Variants in TENM2 observed in about 807,000 individuals in gnomAD.
The protein encoded by TENM2 is teneurin transmembrane protein 2.
TENM2 carries 52 observed loss-of-function variants against 245.2 expected under a neutral mutation model. The observed-to-expected ratio is 0.21, with a 90% confidence interval of 0.17 to 0.27. The LOEUF (loss-of-function observed/expected upper bound fraction) is 0.27, where lower values mean the gene tolerates loss of function less well. Ranked by LOEUF, TENM2 falls within the 10% of genes least tolerant of loss-of-function variation. The probability of loss-of-function intolerance (pLI) is 1.00; values close to 1 mark genes in which losing one functional copy is unlikely to be tolerated. For missense variants in TENM2, 3,046 were observed against 3,666.8 expected (o/e 0.83, Z 4.37); for synonymous variants, 1,363 against 1,438.9 (o/e 0.95, Z 1.19).
chr5:167,736,122 A>G (rs1760779716), intron 2 of TENM2, among the ~76,000 whole-genome samples: 1 of 152,160 alleles, frequency 6.6e-6, no homozygotes, highest in African/African-American at 2.4e-5. Context: ...TCATGGTGGA[A>G]GGAGAAGCAA....
chr5:167,215,353 G>A, the TENM2 span, among the ~76,000 whole-genome samples: 3 of 152,146 alleles, frequency 2.0e-5, no homozygotes, highest in Non-Finnish European at 2.9e-5. Context: ...TCTAACGTGC[G>A]GGCAAAATTG....
the TENM2 span, among the ~76,000 whole-genome samples, chr5:167,177,277 G>GAAAA: frequency 6.6e-6 from 1 of 151,244 alleles, no homozygotes; most frequent in South Asian, 2.1e-4. Flanking sequence ...ATACATAAAA[G>GAAAA]AAAAAAAAAT....
intron 12 of TENM2, among the ~76,000 whole-genome samples, chr5:168,140,819 T>C (rs1489719559): frequency 6.6e-6 from 1 of 152,162 alleles, no homozygotes; most frequent in Non-Finnish European, 1.5e-5. Context: ...AGTCTTTCCC[T>C]GACAGAGCTA....
Position 168,244,552 on chromosome 5 carries a change from A to G in TENM2, c.5653A>G (p.Ser1885Gly), listed in dbSNP as rs756863587. Residue 1885 changes from serine to glycine, a missense_variant, in exon 26 of 29, where the codon AGC (serine) becomes GGC (glycine). By Grantham distance (56) the Ser-to-Gly change is moderately conservative. Around this residue, in one of 2 missense-constraint regions of TENM2, gnomAD observed 2,704 missense variants for 3,331.9 expected, o/e 0.81. Transcript: ENST00000518659. This position sits in a 1 kb window ranked among gnomAD's most constrained non-coding sequence, Gnocchi z 4.9. ...GGGCCGCCCCTTCCTCTGGCTGCCCAGCAGCGGGCTGGCAGCTGTCAACGT... is the reference window on the plus strand; with the variant it reads ...GGGCCGCCCCTTCCTCTGGCTGCCCGGCAGCGGGCTGGCAGCTGTCAACGT... The G allele has an allele frequency of 6.2e-7, 1 of 1,612,326 alleles. No homozygotes were observed. Among genetic ancestry groups the G allele is most frequent in the African/African-American group, 1.3e-5 (1 of 74,928 alleles).
intron 13 of TENM2, among the ~76,000 whole-genome samples, chr5:168,166,797 A>G (rs533985593): frequency 1.3e-5 from 2 of 152,332 alleles, no homozygotes; most frequent in East Asian, 1.9e-4. Context: ...CTTTCACTCA[A>G]ATATGCTCTG....
chr5:168,012,774 GA>G (rs3056563), intron 5 of TENM2, among the ~76,000 whole-genome samples: 9,338 of 74,244 alleles, frequency 0.13, 352 homozygotes, highest in East Asian at 0.39. Flanking sequence ...AAGAACAACT[GA>G]AAAAAAAAAA....
At chr5:167,786,125 G>A (rs1243832855) in intron 2 of TENM2, among the ~76,000 whole-genome samples, 2 of 152,026 alleles carry the variant, frequency 1.3e-5, no homozygotes, top group African/African-American at 4.8e-5. Flanking sequence ...CTGACGCCAT[G>A]ACCAAATGCC....
intron 2 of TENM2, among the ~76,000 whole-genome samples, chr5:167,756,737 G>A (rs1265787205): frequency 6.6e-6 from 1 of 152,036 alleles, no homozygotes; most frequent in Non-Finnish European, 1.5e-5. Context: ...TTGAGAACTA[G>A]GAGCACCTCA....
intron 2 of TENM2, among the ~76,000 whole-genome samples, chr5:167,642,516 T>C (rs34313662): frequency 0.24 from 35,976 of 152,044 alleles, 5,856 homozygotes; most frequent in East Asian, 0.45. Context: ...CACAAACATA[T>C]ACATTTGTTT....
chr5:168,209,970 C>A (rs577681909), intron 19 of TENM2, among the ~76,000 whole-genome samples: 1 of 152,242 alleles, frequency 6.6e-6, no homozygotes, highest in Non-Finnish European at 1.5e-5. Context: ...TCATTGAGAC[C>A]CTGCAGTGTG....
chr5:166,991,500 A>G, the TENM2 span, among the ~76,000 whole-genome samples: 2 of 152,114 alleles, frequency 1.3e-5, no homozygotes, highest in South Asian at 2.1e-4. Flanking sequence ...TGTGTAGTTA[A>G]TGTATGTGAT....
intron 2 of TENM2, among the ~76,000 whole-genome samples, chr5:167,688,434 G>T (rs1194234254): frequency 6.6e-6 from 1 of 152,144 alleles, no homozygotes; most frequent in East Asian, 1.9e-4. Context: ...CACCACAATG[G>T]AGAGGTTGTT....
At chr5:167,623,662 T>C (rs962817399) in intron 2 of TENM2, among the ~76,000 whole-genome samples, 2 of 152,192 alleles carry the variant, frequency 1.3e-5, no homozygotes, top group African/African-American at 4.8e-5. Context: ...AGAAGGAATC[T>C]AGCAAGAACA....
chr5:167,754,861 C>A, intron 2 of TENM2: 1 of 595,264 alleles, frequency 1.7e-6, no homozygotes, highest in Non-Finnish European at 2.6e-6. Context: ...ACTAATTCCT[C>A]AGGAACCTCA....
intron 2 of TENM2, among the ~76,000 whole-genome samples, chr5:167,733,585 C>G (rs77698314): frequency 6.6e-6 from 1 of 152,280 alleles, no homozygotes; most frequent in African/African-American, 2.4e-5. Context: ...CAGGGTAAGA[C>G]TTGCGCCAGA....
chr5:167,331,844 G>C (rs1757478240), intron 1 of TENM2, among the ~76,000 whole-genome samples: 1 of 152,118 alleles, frequency 6.6e-6, no homozygotes, highest in Admixed American at 6.5e-5. Context: ...AACTCTGAGT[G>C]CATTTACTCC....
At chr5:167,344,462 A>G (rs965089126) in intron 1 of TENM2, among the ~76,000 whole-genome samples, 1 of 151,872 alleles carries the variant, frequency 6.6e-6, no homozygotes, top group Non-Finnish European at 1.5e-5. Context: ...AAAGAAATTC[A>G]TCTCTGCTTG....
At chr5:167,281,514 G>A (rs1268467314), upstream of TENM2, among the ~76,000 whole-genome samples, 4 of 152,164 alleles carry the variant, frequency 2.6e-5, no homozygotes, top group East Asian at 3.9e-4. Flanking sequence ...TAGTTTCTCT[G>A]ACTGAGATTT....
At chr5:167,465,420 T>C (rs2127499302) in intron 2 of TENM2, among the ~76,000 whole-genome samples, 1 of 152,318 alleles carries the variant, frequency 6.6e-6, no homozygotes, top group African/African-American at 2.4e-5. Flanking sequence ...TGAGCTGAAC[T>C]TCCACTCTCC....
Sources: allele counts gnomAD v4.1 joint callset (sites outside exome capture counted in the v4.1 genomes callset), GRCh38; gene constraint gnomAD v4.1.1; regional missense constraint gnomAD v4.1.1; non-coding constraint Gnocchi (gnomAD v3.1); transcripts MANE v1.5; gene names NCBI Gene and HGNC (gene_info 2026-07-23, HGNC 2026-07-21).